Variants in SMARCA5 observed in about 807,000 individuals in gnomAD.
SMARCA5 encodes the protein SWI/SNF-related matrix-associated actin-dependent regulator of chromatin subfamily A member 5.
Under a neutral mutation model 140.4 loss-of-function variants are expected in SMARCA5, and 18 were observed. The ratio of observed to expected loss-of-function variants is 0.13; its 90% confidence interval spans 0.09 to 0.19. The LOEUF (loss-of-function observed/expected upper bound fraction) is 0.19, where lower values mean the gene tolerates loss of function less well. Ranked by LOEUF, SMARCA5 falls within the 10% of genes least tolerant of loss-of-function variation. The pLI is 1.00. For synonymous variants in SMARCA5, 449 were observed against 419.6 expected, an observed-to-expected ratio of 1.07 and a Z score of -0.86; for missense variants, 606 against 1,276.8, an observed-to-expected ratio of 0.47 and a Z score of 8.01.
At chr4:143,527,723 GT>G (rs1423223026) in intron 6 of SMARCA5, 144 bp from the exon 7 acceptor site, 1 of 583,340 alleles carries the variant, frequency 1.7e-6, no homozygotes, top group Non-Finnish European at 2.9e-6. Flanking sequence ...AGGAAAGCTG[GT>G]TCTAAACGTT....
Position 143,543,499 on chromosome 4 carries a change from CTT to C in SMARCA5, c.1904-5_1904-4del. ...TTCAGTTAACATTATACAACACAAT[CTT>C]TTTTCAGGGAGGCTTGTGGATCAGA... On this transcript the variant is annotated splice_region_variant and splice_polypyrimidine_tract_variant and intron_variant, in intron 14 of 23. Transcript: ENST00000283131. The C allele has an allele frequency of 6.2e-7, 1 of 1,611,048 alleles. No homozygotes were observed.
At chr4:143,530,551 A>T (rs772684164) in intron 9 of SMARCA5, 25 bp downstream of exon 9, 1 of 1,500,098 alleles carries the variant, frequency 6.7e-7, no homozygotes, top group South Asian at 1.2e-5. Flanking sequence ...GTAGTGTTAA[A>T]GCATATTTAT....
At position 143,553,328 on chromosome 4, in the gene SMARCA5, T is replaced by C. The variant is rs1013465625; in HGVS notation, c.*144T>C. ...TGTTTACTGAGCTAGAAACATAGTA[T>C]GTAGTTTCACTTTTTTAAATGCAAC... On this transcript the variant is annotated 3_prime_UTR_variant, in exon 24 of 24. Coordinates refer to ENST00000283131, the MANE Select transcript of SMARCA5 (RefSeq NM_003601.4). 1.8e-6 allele frequency: 1 copy of C among 568,074 alleles called. No individual in the cohort carries two copies. The highest frequency in any genetic ancestry group is 3.1e-6 in the Non-Finnish European group (1 of 321,756). The allele number at this position is 568,074 out of a possible 1,614,324, so 35.2% of individuals were successfully genotyped here.
At chr4:143,538,959 A>G in intron 13 of SMARCA5, 21 bp downstream of exon 13, 1 of 1,608,278 alleles carries the variant, frequency 6.2e-7, no homozygotes, top group East Asian at 2.2e-5. Context: ...ACGAATAAAT[A>G]TATTCTGTGC....
rs780037066 is a variant in SMARCA5, at chr4:143,513,977, C to G, written c.53C>G (p.Ser18Cys). Reference sequence around the variant, plus strand: ...CCCCCGCCTCCCGAGAGCGCGCCTTCCAAGCCCGCAGCCTCGATCGCCAGC... The same window carrying G: ...CCCCCGCCTCCCGAGAGCGCGCCTTGCAAGCCCGCAGCCTCGATCGCCAGC... The part of the protein sequence containing the change: ...PPPPPPESAP[S>C]KPAASIASGG... The change falls in exon 1 of 24, where the codon TCC (serine) becomes TGC (cysteine). Residue 18 changes from serine to cysteine, a missense_variant. Ser to Cys is a moderately radical substitution (Grantham distance 112). Coordinates refer to ENST00000283131, the MANE Select transcript of SMARCA5 (RefSeq NM_003601.4). 3 of 1,560,308 alleles carry G rather than the reference C, an allele frequency of 1.9e-6. No individual in the cohort carries two copies. Among genetic ancestry groups the G allele is most frequent in the Non-Finnish European group, 1.7e-6 (2 of 1,160,688 alleles).
rs1215775669 is a variant in SMARCA5 at position 143,555,107 on chromosome 4, C to G, written c.*1923C>G. 6.0e-6 allele frequency: 4 copies of G among 666,060 alleles called. No individual in the cohort carries two copies. Among genetic ancestry groups the G allele is most frequent in the African/African-American group, 1.8e-5 (1 of 56,762 alleles). The allele number at this position is 666,060 out of a possible 1,614,324, so 41.3% of individuals were successfully genotyped here. A position where few individuals can be genotyped will look rare whatever the true frequency, so the allele number is the denominator to read the frequency against. On this transcript the variant is annotated 3_prime_UTR_variant, in exon 24 of 24. Coordinates refer to ENST00000283131, the MANE Select transcript of SMARCA5 (RefSeq NM_003601.4). ...TTAAAATCTTCTGTCAGTGCCACAG[C>G]TACTACTGCTACTGGAACTGCCTTA...
intron 9 of SMARCA5, among the ~76,000 whole-genome samples, chr4:143,533,473 GATCTTAATGAGACCC>G (rs1215299623): frequency 6.7e-6 from 1 of 149,350 alleles, no homozygotes; most frequent in Non-Finnish European, 1.5e-5. Flanking sequence ...ACCATAAGGA[GATCTTAATGAGACCC>G]TTGTCCATTC....
Position 143,530,517 on chromosome 4 carries a change from G to A in SMARCA5, c.1149G>A (p.Arg383=), listed in dbSNP as rs748981444. 4.4e-6 allele frequency: 7 copies of A among 1,608,938 alleles called. No homozygotes were observed. The highest frequency in any genetic ancestry group is 1.7e-4 in the Middle Eastern group (1 of 6,044). ...NCLGDQKLVE[R]LHMVLRPFLL... ...TTGGGGATCAAAAACTAGTTGAGAG[G>A]CTTCATATGGTAAGTATTTTGGAGT... The change falls in exon 9 of 24, where the codon AGG becomes AGA. Residue 383 remains arginine (R), a synonymous_variant. Coordinates refer to ENST00000283131, the MANE Select transcript of SMARCA5 (RefSeq NM_003601.4).
chr4:143,543,432 C>T, intron 14 of SMARCA5, 77 bp from the exon 15 acceptor site: 2 of 1,143,028 alleles, frequency 1.7e-6, no homozygotes, highest in South Asian at 1.5e-5. Flanking sequence ...AAGCATTAAA[C>T]CTTACATTTA....
chr4:143,513,853 G>A lies in SMARCA5; in HGVS notation c.-72G>A, dbSNP rs1165755589. 3.4e-6 allele frequency: 5 copies of A among 1,488,172 alleles called. No individual in the cohort carries two copies. The East Asian group carries it at 1.2e-4, about 37-fold the overall frequency. The allele number at this position is 1,488,172 out of a possible 1,614,324, so 92.2% of individuals were successfully genotyped here. A position where few individuals can be genotyped will look rare whatever the true frequency, so the allele number is the denominator to read the frequency against. On this transcript the variant is annotated 5_prime_UTR_variant, in exon 1 of 24. Coordinates refer to ENST00000283131, the MANE Select transcript of SMARCA5 (RefSeq NM_003601.4). ...CCAGTTTATTGCGACGTAGCATCCA[G>A]GCCTAGGCCTCCCCGTCCATCCCCG...
intron 13 of SMARCA5, 92 bp from the exon 14 acceptor site, chr4:143,540,271 G>A (rs1055797646): frequency 2.0e-6 from 2 of 980,814 alleles, no homozygotes; most frequent in African/African-American, 3.4e-5. Context: ...TTATATTTCA[G>A]AATATTTTAA....
At chr4:143,514,945 G>A (rs1033291616) in intron 1 of SMARCA5, among the ~76,000 whole-genome samples, 2 of 152,174 alleles carry the variant, frequency 1.3e-5, no homozygotes, top group Non-Finnish European at 2.9e-5. Context: ...ACAGTACTGA[G>A]GGGGCTGGAA....
At chr4:143,521,322 TC>T in intron 2 of SMARCA5, 106 bp from the exon 3 acceptor site, 3 of 711,294 alleles carry the variant, frequency 4.2e-6, no homozygotes, top group Non-Finnish European at 7.0e-6. Context: ...TCTGTAGTTC[TC>T]TTTTTTTTTT....
chr4:143,550,099 C>G lies in SMARCA5; in HGVS notation c.3088C>G (p.Pro1030Ala), dbSNP rs1560822873. 2 of 1,543,998 alleles carry G rather than the reference C, an allele frequency of 1.3e-6. No homozygotes were observed. ...KAEKKKRGPKPSTQKRKMDGA... is the reference protein window; with the variant it reads ...KAEKKKRGPKASTQKRKMDGA... ...AGAGAAAAAGAAACGAGGACCAAAG[C>G]CTTCAGTAAGTATTCATGAATATGT... The change falls in exon 23 of 24, where the codon CCT (proline) becomes GCT (alanine). Residue 1030 changes from proline (P) to alanine (A), a missense_variant. This residue lies in a region of SMARCA5 where 40 missense variants were observed against 59.8 expected (regional missense o/e 0.67). Coordinates refer to ENST00000283131, the MANE Select transcript of SMARCA5 (RefSeq NM_003601.4).
chr4:143,540,090 A>G (rs2149822956), intron 13 of SMARCA5, among the ~76,000 whole-genome samples: 1 of 152,294 alleles, frequency 6.6e-6, no homozygotes, highest in Non-Finnish European at 1.5e-5. Flanking sequence ...TAGATAGAAA[A>G]ACATTTTGAA....
intron 2 of SMARCA5, among the ~76,000 whole-genome samples, chr4:143,517,762 T>G (rs1037098520): frequency 1.3e-5 from 2 of 152,186 alleles, no homozygotes; most frequent in African/African-American, 4.8e-5. Flanking sequence ...CACCTCTTAT[T>G]AGGCCCTACC....
chr4:143,546,265 G>T (rs1737522211), intron 19 of SMARCA5, among the ~76,000 whole-genome samples: 2 of 152,104 alleles, frequency 1.3e-5, no homozygotes, highest in African/African-American at 4.8e-5. Flanking sequence ...TCGGTAGAGT[G>T]GGTATCTTTT....
At chr4:143,546,483 G>A (rs1737528806) in intron 19 of SMARCA5, among the ~76,000 whole-genome samples, 9 of 151,862 alleles carry the variant, frequency 5.9e-5, no homozygotes, top group Admixed American at 5.9e-4. Context: ...TGCCCTTTAT[G>A]TTATTCACTC....
chr4:143,521,738 G>C, intron 3 of SMARCA5, 143 bp downstream of exon 3: 1 of 725,876 alleles, frequency 1.4e-6, no homozygotes, highest in South Asian at 2.1e-5. Flanking sequence ...GCATGATTTA[G>C]CCATAAATGT....
Sources: allele counts gnomAD v4.1 joint callset (sites outside exome capture counted in the v4.1 genomes callset), GRCh38; gene constraint gnomAD v4.1.1; regional missense constraint gnomAD v4.1.1; transcripts MANE v1.5; gene names NCBI Gene and HGNC (gene_info 2026-07-23, HGNC 2026-07-21).